Variants in APBA2 observed in about 807,000 individuals in gnomAD.
APBA2 encodes amyloid-beta A4 precursor protein-binding family A member 2.
APBA2 carries 30 observed loss-of-function variants against 75.0 expected under a neutral mutation model. That is an observed-to-expected ratio of 0.40 (90% confidence interval 0.30 to 0.54). APBA2 has a LOEUF of 0.54. Among genes scored for constraint, APBA2 ranks in the 20% least tolerant of loss-of-function variants. The pLI is 0.49. For synonymous variants in APBA2, 444 were observed against 409.6 expected (o/e 1.08, Z -1.01); for missense variants, 801 against 1,016.1 (o/e 0.79, Z 2.88).
chr15:28,966,026 A>AT (rs148932668), intron 2 of APBA2, among the ~76,000 whole-genome samples: 1,962 of 152,120 alleles, frequency 0.013, 59 homozygotes, highest in African/African-American at 0.045. Context: ...TTTTTTTGTC[A>AT]TTGATTTCTA....
At chr15:28,969,568 G>C (rs1488270685) in intron 2 of APBA2, among the ~76,000 whole-genome samples, 2 of 152,138 alleles carry the variant, frequency 1.3e-5, no homozygotes, top group African/African-American at 4.8e-5. Context: ...AGAGTGTTTT[G>C]AAACATGCCC....
At chr15:29,109,279 G>T (rs1050403814) in intron 13 of APBA2, among the ~76,000 whole-genome samples, 5 of 152,148 alleles carry the variant, frequency 3.3e-5, no homozygotes, top group Admixed American at 2.0e-4. Flanking sequence ...AGCATGGAGG[G>T]TTACACCCAC....
At chr15:28,924,963 C>CT in intron 2 of APBA2, among the ~76,000 whole-genome samples, 1 of 152,148 alleles carries the variant, frequency 6.6e-6, no homozygotes, top group South Asian at 2.1e-4. Context: ...GATGGCCAGT[C>CT]TATGGGTGGG....
At position 29,117,685 on chromosome 15, in the gene APBA2, T is replaced by TGATC. The variant is rs1277391777; in HGVS notation, c.*553_*554insATCG. 6.2e-6 allele frequency: 1 copy of TGATC among 160,606 alleles called. No individual in the cohort carries two copies. Among genetic ancestry groups the TGATC allele is most frequent in the Non-Finnish European group, 1.4e-5 (1 of 72,878 alleles). 9.9% of individuals were successfully genotyped at this position (160,606 alleles called of 1,614,324 possible). A position where few individuals can be genotyped will look rare whatever the true frequency, so the allele number is the denominator to read the frequency against. On this transcript the variant is annotated 3_prime_UTR_variant, in exon 15 of 15. Coordinates refer to ENST00000683413, the MANE Select transcript of APBA2 (RefSeq NM_001353788.2). ...GGGGACATGTGATTGATTGATTGAT[T>TGATC]GTAAATAAAGGATGATGGCCACAAC...
intron 3 of APBA2, among the ~76,000 whole-genome samples, chr15:29,011,118 C>T (rs1344991868): frequency 6.6e-6 from 1 of 152,138 alleles, no homozygotes; most frequent in African/African-American, 2.4e-5. Context: ...GCTTATTTTG[C>T]TTAGTACAGT....
intron 3 of APBA2, among the ~76,000 whole-genome samples, chr15:29,045,177 G>A (rs1006619111): frequency 1.3e-5 from 2 of 150,008 alleles, no homozygotes; most frequent in South Asian, 2.1e-4. Context: ...TCCCAGGTTC[G>A]AGTGATTCTC....
chr15:29,060,956 C>T (rs1438983764), intron 4 of APBA2, among the ~76,000 whole-genome samples: 1 of 152,126 alleles, frequency 6.6e-6, no homozygotes, highest in African/African-American at 2.4e-5. Context: ...GTACCTGGCT[C>T]AGTCTCACAG....
At chr15:29,076,401 A>G (rs1033986781) in intron 6 of APBA2, among the ~76,000 whole-genome samples, 1 of 151,566 alleles carries the variant, frequency 6.6e-6, no homozygotes. Flanking sequence ...GCAGCTGGTT[A>G]TAGCTAACAC....
rs896551570 is a variant in APBA2, at chr15:28,900,108, C to T, written c.-205+13830C>T. 8.5e-5 allele frequency among the ~76,000 whole-genome samples: 13 copies of T among 152,108 alleles called. 1 individual carries two copies. Among genetic ancestry groups the T allele is most frequent in the South Asian group, 2.1e-4 (1 of 4,814 alleles). On this transcript the variant is annotated intron_variant, in intron 1 of 14. Transcript: ENST00000683413. ...AGACAGGGGGACTGGGCCGTGGTCA[C>T]GGGTGGCAGAAGCAGAGCCTTTGTT... is the stretch of plus-strand genomic sequence containing the variant.
At chr15:29,088,926 C>T (rs1167413723) in intron 6 of APBA2, among the ~76,000 whole-genome samples, 3 of 152,178 alleles carry the variant, frequency 2.0e-5, no homozygotes, top group Non-Finnish European at 4.4e-5. Flanking sequence ...GGCCTTTGCA[C>T]CTGCTCCCGC....
intron 3 of APBA2, among the ~76,000 whole-genome samples, chr15:29,053,245 G>A (rs1359415909): frequency 1.3e-5 from 2 of 152,132 alleles, no homozygotes; most frequent in Non-Finnish European, 2.9e-5. Flanking sequence ...AGCCTGCCAC[G>A]CTGGGGACTT....
chr15:28,889,672 C>T (rs929420680), intron 1 of APBA2, among the ~76,000 whole-genome samples: 2 of 152,206 alleles, frequency 1.3e-5, no homozygotes, highest in Non-Finnish European at 2.9e-5. Flanking sequence ...GGCTCTTTCC[C>T]TCTTATTCCT....
intron 1 of APBA2, among the ~76,000 whole-genome samples, chr15:28,904,247 C>T (rs747052410): frequency 3.9e-5 from 6 of 152,188 alleles, no homozygotes; most frequent in Non-Finnish European, 8.8e-5. Context: ...TGTTCCTGGG[C>T]ACCCCGGCTC....
At chr15:29,112,278 C>T (rs1009277851) in intron 13 of APBA2, among the ~76,000 whole-genome samples, 8 of 152,246 alleles carry the variant, frequency 5.3e-5, no homozygotes, top group African/African-American at 9.6e-5. Context: ...AGTCTATCAG[C>T]TCCTGTCCCG....
chr15:29,068,819 G>A (rs1019726729), intron 4 of APBA2, among the ~76,000 whole-genome samples: 2 of 152,210 alleles, frequency 1.3e-5, no homozygotes, highest in Admixed American at 6.5e-5. Flanking sequence ...GAGACCCTTA[G>A]AGGGCTCTCT....
intron 3 of APBA2, among the ~76,000 whole-genome samples, chr15:29,032,975 A>G (rs941912917): frequency 2.0e-5 from 3 of 152,212 alleles, no homozygotes; most frequent in African/African-American, 7.2e-5. Flanking sequence ...AGCTGTGGCG[A>G]GATGGCTCTG....
chr15:28,894,314 G>A (rs567399547), intron 1 of APBA2, among the ~76,000 whole-genome samples: 45 of 152,294 alleles, frequency 3.0e-4, no homozygotes, highest in African/African-American at 1.1e-3. Flanking sequence ...CAGCTTTCTT[G>A]TTCCCAGTTT....
At chr15:28,896,818 A>G (rs750191036) in intron 1 of APBA2, among the ~76,000 whole-genome samples, 4 of 152,228 alleles carry the variant, frequency 2.6e-5, no homozygotes, top group Admixed American at 6.5e-5. Flanking sequence ...CCTTTTAAAT[A>G]CAATTAGATT....
At position 29,105,546 on chromosome 15, in the gene APBA2, G is replaced by C; in HGVS notation, c.1692G>C (p.Glu564Asp). 2 of 1,613,486 alleles carry C rather than the reference G, an allele frequency of 1.2e-6. No individual in the cohort carries two copies. Among genetic ancestry groups the C allele is most frequent in the Non-Finnish European group, 1.7e-6 (2 of 1,180,024 alleles). Residue 564 changes from glutamate to aspartate, a missense_variant, in exon 11 of 15, where the codon GAG (glutamate) becomes GAC (aspartate). Around this residue, in one of 2 missense-constraint regions of APBA2, gnomAD observed 367 missense variants for 544.5 expected, o/e 0.67. Transcript: ENST00000683413. The stretch of plus-strand genomic sequence containing the variant: ...ACCTCATCCACTTCTCAAACTCGGA[G>C]AACTGCAAGGAGGTAAGCCACACCC... ...NDDLIHFSNS[E>D]NCKELQLEKH...
Sources: allele counts gnomAD v4.1 joint callset (sites outside exome capture counted in the v4.1 genomes callset), GRCh38; gene constraint gnomAD v4.1.1; regional missense constraint gnomAD v4.1.1; transcripts MANE v1.5; gene names NCBI Gene and HGNC (gene_info 2026-07-23, HGNC 2026-07-21).